HSP90B1: variants seen among roughly 807,000 people sequenced by gnomAD.
HSP90B1 encodes the protein heat shock protein 90 beta family member 1.
Under a neutral mutation model 100.4 loss-of-function variants are expected in HSP90B1, and 27 were observed. That is an observed-to-expected ratio of 0.27 (90% CI 0.20 to 0.37). The LOEUF (loss-of-function observed/expected upper bound fraction) is 0.37. HSP90B1 is among the 10% of genes least tolerant of loss of function. The probability of loss-of-function intolerance (pLI) is 1.00; values close to 1 mark genes in which losing one functional copy is unlikely to be tolerated. For synonymous variants in HSP90B1, 304 were observed against 330.8 expected (o/e 0.92, Z 0.88); for missense variants, 678 against 960.5 (o/e 0.71, Z 3.89).
chr12:103,947,046 C>G (rs1870256811), intron 16 of HSP90B1, 105 bp downstream of exon 16: 1 of 1,276,952 alleles, frequency 7.8e-7, no homozygotes, highest in South Asian at 1.5e-5. Context: ...CGACATTTGC[C>G]TAATTTCTAC....
At chr12:103,931,474 C>T (rs1195928764) in intron 1 of HSP90B1, 47 bp from the exon 2 acceptor site, 2 of 1,452,778 alleles carry the variant, frequency 1.4e-6, no homozygotes, top group Non-Finnish European at 1.9e-6. Flanking sequence ...GATCATCCTC[C>T]TTGGAGAAGT....
rs532901347 is a variant in HSP90B1 at position 103,945,769 on chromosome 12, C to T, written c.2028-849C>T. Among the ~76,000 whole-genome samples the T allele has an allele frequency of 1.2e-3, 186 of 152,202 alleles. 1 individual carries two copies. The highest frequency in any genetic ancestry group is 6.8e-3 in the Middle Eastern group (2 of 294). On this transcript the variant is annotated intron_variant, in intron 14 of 17. Coordinates refer to ENST00000299767, the MANE Select transcript of HSP90B1 (RefSeq NM_003299.3). ...TCATCTAACCGTGTCCACTTGCTCC[C>T]CACCCCACCTCCCCGTTAAAAGGGA...
At chr12:103,947,066 G>T (rs1260209531) in intron 16 of HSP90B1, 125 bp downstream of exon 16, 4 of 1,144,538 alleles carry the variant, frequency 3.5e-6, no homozygotes, top group Non-Finnish European at 4.9e-6. Context: ...CCTTTTGAAA[G>T]AATTTTATTG....
rs1220841786 is a variant in HSP90B1, at chr12:103,946,940, A to T, written c.2261A>T (p.Lys754Met). ...RLSLNIDPDA[K>M]VEEEPEEEPE... ...AGTTTGAACATTGACCCTGATGCAA[A>T]GGTTTGTATCCCCAACCTTCCCGCA... Residue 754 changes from lysine (K) to methionine (M), a missense_variant and splice_region_variant, in exon 16 of 18, where the codon AAG (lysine) becomes ATG (methionine). Physicochemically the swap from Lys to Met is moderately conservative, Grantham distance 95 (BLOSUM62 -1). This residue lies in a region of HSP90B1 where 65 missense variants were observed against 65.1 expected (regional missense o/e 1.00). Transcript: ENST00000299767. 3 of 1,611,304 alleles carry T rather than the reference A, an allele frequency of 1.9e-6. No individual in the cohort carries two copies. The highest frequency in any genetic ancestry group is 2.5e-6 in the Non-Finnish European group (3 of 1,179,194).
At chr12:103,937,621 C>T in intron 5 of HSP90B1, 74 bp from the exon 6 acceptor site, 1 of 754,264 alleles carries the variant, frequency 1.3e-6, no homozygotes, top group Non-Finnish European at 2.4e-6. Context: ...TGGCTATTAC[C>T]ATGGTATTTA....
intron 4 of HSP90B1, 47 bp downstream of exon 4, chr12:103,932,989 T>C (rs757471997): frequency 1.0e-6 from 1 of 978,758 alleles, no homozygotes; most frequent in Non-Finnish European, 1.6e-6. Flanking sequence ...AAGGAATCCT[T>C]AAAGGTAGAG....
intron 5 of HSP90B1, among the ~76,000 whole-genome samples, chr12:103,935,619 T>G (rs926842130): frequency 2.0e-5 from 3 of 152,240 alleles, no homozygotes; most frequent in East Asian, 3.8e-4. Context: ...TTAGTACTTT[T>G]TTAACTTGTG....
chr12:103,944,467 C>T (rs941907117), intron 14 of HSP90B1, among the ~76,000 whole-genome samples: 2 of 152,094 alleles, frequency 1.3e-5, no homozygotes, highest in Non-Finnish European at 2.9e-5. Flanking sequence ...GACTTCTCCC[C>T]TACTTTTATT....
At position 103,946,486 on chromosome 12, in the gene HSP90B1, A is replaced by G. The variant is rs1259402295; in HGVS notation, c.2028-132A>G. The G allele has an allele frequency of 7.6e-6, 5 of 656,682 alleles. No homozygotes were observed. In the East Asian group the frequency reaches 1.1e-4, roughly 14 times the overall value. 40.7% of individuals were successfully genotyped at this position (656,682 alleles called of 1,614,324 possible). ...ATATAAGTTCAAACCTGTGGTGTTC[A>G]AGTGTCAATAGTACATTTTGATTTT... On this transcript the variant is annotated intron_variant, in intron 14 of 17. Coordinates refer to ENST00000299767, the MANE Select transcript of HSP90B1 (RefSeq NM_003299.3).
rs765339689 is a variant in HSP90B1 at position 103,947,474 on chromosome 12, A to G, written c.2382+44A>G. 6.9e-5 allele frequency: 111 copies of G among 1,613,758 alleles called. No individual in the cohort carries two copies. Among genetic ancestry groups the G allele is most frequent in the Non-Finnish European group, 9.1e-5 (107 of 1,179,940 alleles). ...GTGACTTGCATTTTCAGTTCTGGCA[A>G]AGTTAGGACAGAGTTTTAGTTCTGG... On this transcript the variant is annotated intron_variant, in intron 17 of 17. Transcript: ENST00000299767.
In HSP90B1 at chr12:103,932,342, C is replaced by G. The variant is rs372981677; in HGVS notation, c.218C>G (p.Ser73Trp). Reference protein sequence around the residue: ...ASQIRELREKSEKFAFQAEVN... With the variant: ...ASQIRELREKWEKFAFQAEVN... ...CAAATAAGAGAACTTAGAGAGAAGT[C>G]GGAAAAGTTTGCCTTCCAAGCCGAA... The change falls in exon 3 of 18, where the codon TCG (serine) becomes TGG (tryptophan). Residue 73 changes from serine (S) to tryptophan (W), a missense_variant. By Grantham distance (177) the Ser-to-Trp change is radical (BLOSUM62 -3). Transcript: ENST00000299767. 1.1e-5 allele frequency: 18 copies of G among 1,612,466 alleles called. No individual in the cohort carries two copies. In the African/African-American group the frequency reaches 1.7e-4, roughly 16 times the overall value.
intron 14 of HSP90B1, among the ~76,000 whole-genome samples, chr12:103,944,927 T>A (rs560897396): frequency 6.6e-6 from 1 of 152,360 alleles, no homozygotes; most frequent in East Asian, 1.9e-4. Flanking sequence ...ATTCCATATA[T>A]GTCTTTTAAC....
intron 14 of HSP90B1, among the ~76,000 whole-genome samples, chr12:103,945,302 G>A (rs867532009): frequency 2.6e-5 from 4 of 152,030 alleles, no homozygotes; most frequent in Non-Finnish European, 5.9e-5. Context: ...GCCAGACTCC[G>A]TCTCTTTTTT....
Position 103,943,664 on chromosome 12 carries a change from G to C in HSP90B1, c.1891-74G>C. ...TATGATCTTAAGTGATAAAGTCTTA[G>C]ACAGTTGAAAGACAATTGCTCAATG... On this transcript the variant is annotated intron_variant, in intron 13 of 17. Coordinates refer to ENST00000299767, the MANE Select transcript of HSP90B1 (RefSeq NM_003299.3). The surrounding 1 kb of genome is among the most constrained non-coding windows in gnomAD (Gnocchi z 5.3). 1 of 1,408,996 alleles carries C rather than the reference G, an allele frequency of 7.1e-7. No homozygotes were observed. Among genetic ancestry groups the C allele is most frequent in the South Asian group, 1.3e-5 (1 of 76,984 alleles). The allele number at this position is 1,408,996 out of a possible 1,614,324, so 87.3% of individuals were successfully genotyped here.
At chr12:103,940,629 T>TA (rs1372096283) in intron 8 of HSP90B1, among the ~76,000 whole-genome samples, 1 of 152,168 alleles carries the variant, frequency 6.6e-6, no homozygotes, top group Admixed American at 6.5e-5. Flanking sequence ...TTACTTCATA[T>TA]AAAGCAGCTG....
At chr12:103,944,160 C>A (rs1870160556) in intron 14 of HSP90B1, among the ~76,000 whole-genome samples, 1 of 152,052 alleles carries the variant, frequency 6.6e-6, no homozygotes, top group Non-Finnish European at 1.5e-5. Flanking sequence ...ATATGCTTAG[C>A]CTAATATCTG....
intron 10 of HSP90B1, 62 bp downstream of exon 10, chr12:103,941,768 T>G: frequency 1.2e-6 from 2 of 1,602,036 alleles, no homozygotes; most frequent in Non-Finnish European, 1.7e-6. Context: ...TGTAGAGTGT[T>G]TGTTTGGCTT....
Position 103,943,904 on chromosome 12 carries a change from G to A in HSP90B1, c.2027+30G>A. 1 of 1,597,350 alleles carries A rather than the reference G, an allele frequency of 6.3e-7. No individual in the cohort carries two copies. The highest frequency in any genetic ancestry group is 8.5e-7 in the Non-Finnish European group (1 of 1,171,768). On this transcript the variant is annotated intron_variant, in intron 14 of 17. Coordinates refer to ENST00000299767, the MANE Select transcript of HSP90B1 (RefSeq NM_003299.3). This position sits in a 1 kb window ranked among gnomAD's most constrained non-coding sequence, Gnocchi z 5.3. ...GCATCCTCGGGAAAGTCCCTGCCAGGGCGTTGCCCCTTACCCAATCTTTGT... is the reference window on the plus strand; with the variant it reads ...GCATCCTCGGGAAAGTCCCTGCCAGAGCGTTGCCCCTTACCCAATCTTTGT...
Position 103,942,545 on chromosome 12 carries a change from G to C in HSP90B1, c.1393G>C (p.Val465Leu). ...TGTTTAGGTGATTAGGAAGAAGCTT[G>C]TTCGTAAAACGCTGGACATGATCAA... ...KLLKVIRKKL[V>L]RKTLDMIKKI... is the part of the protein sequence containing the mutation. Residue 465 changes from valine to leucine, a missense_variant, in exon 12 of 18, where the codon GTT becomes CTT. Physicochemically the swap from Val to Leu is conservative, Grantham distance 32. Coordinates refer to ENST00000299767, the MANE Select transcript of HSP90B1 (RefSeq NM_003299.3). 6.2e-7 allele frequency: 1 copy of C among 1,613,866 alleles called. No homozygotes were observed. The highest frequency in any genetic ancestry group is 8.5e-7 in the Non-Finnish European group (1 of 1,179,784).
Sources: gnomAD v4.1 joint callset for allele counts (sites outside exome capture counted in the v4.1 genomes callset) on GRCh38, gnomAD v4.1.1 for gene constraint, gnomAD v4.1.1 regional missense constraint, Gnocchi (gnomAD v3.1) non-coding constraint, MANE v1.5 for transcripts, NCBI Gene and HGNC (gene_info 2026-07-23, HGNC 2026-07-21) for gene names.